Variants in AGMO observed in about 807,000 individuals in gnomAD.
AGMO encodes the protein glyceryl-ether monooxygenase.
A neutral mutation model predicts 60.2 loss-of-function variants in AGMO; 75 were observed. The ratio of observed to expected loss-of-function variants is 1.25; its 90% CI spans 1.03 to 1.51. The LOEUF (loss-of-function observed/expected upper bound fraction) is 1.51, where lower values mean the gene tolerates loss of function less well. Ranked by LOEUF, AGMO falls within the 40% of genes most tolerant of loss-of-function variation. AGMO has a pLI of 0.00. For missense variants in AGMO, 763 were observed against 525.5 expected, an observed-to-expected ratio of 1.45 and a Z score of -4.42; for synonymous variants, 261 against 177.1, an observed-to-expected ratio of 1.47 and a Z score of -3.76.
intron 10 of AGMO, among the ~76,000 whole-genome samples, chr7:15,384,064 T>G (rs1783811053): frequency 6.6e-6 from 1 of 152,130 alleles, no homozygotes; most frequent in East Asian, 1.9e-4. Flanking sequence ...GCCTCCTGAA[T>G]AGCTGGGACT....
chr7:15,440,333 G>C (rs191516349), intron 3 of AGMO, among the ~76,000 whole-genome samples: 6 of 152,274 alleles, frequency 3.9e-5, no homozygotes, highest in Non-Finnish European at 2.9e-5. Context: ...AATCATAGGA[G>C]AGTATTGCTC....
the AGMO span, among the ~76,000 whole-genome samples, chr7:15,144,669 G>A: frequency 0.53 from 79,995 of 151,978 alleles, 21,505 homozygotes; most frequent in South Asian, 0.61. Flanking sequence ...ATGTTACATG[G>A]CTGTCTGCCC....
chr7:15,459,244 T>C (rs1386961505), intron 3 of AGMO, among the ~76,000 whole-genome samples: 3 of 152,150 alleles, frequency 2.0e-5, no homozygotes, highest in African/African-American at 7.2e-5. Flanking sequence ...CAATGAGTTG[T>C]TTTGAGTGAA....
chr7:15,465,228 C>A (rs1286380075), intron 3 of AGMO, among the ~76,000 whole-genome samples: 2 of 151,874 alleles, frequency 1.3e-5, no homozygotes, highest in Non-Finnish European at 2.9e-5. Flanking sequence ...TCGCCAGGAC[C>A]AACCCATGCC....
At chr7:15,362,260 G>A (rs548535811) in intron 12 of AGMO, among the ~76,000 whole-genome samples, 13 of 152,088 alleles carry the variant, frequency 8.5e-5, no homozygotes, top group African/African-American at 3.1e-4. Flanking sequence ...TATAAGAATT[G>A]GTAACTGGTT....
At chr7:15,499,765 T>C (rs1783327834) in intron 3 of AGMO, among the ~76,000 whole-genome samples, 1 of 151,738 alleles carries the variant, frequency 6.6e-6, no homozygotes, top group South Asian at 2.1e-4. Flanking sequence ...GAATAAATTA[T>C]GATATACCCA....
Position 15,465,279 on chromosome 7 carries a change from T to C in AGMO, c.410-34171A>G, listed in dbSNP as rs142200174. On this transcript the variant is annotated intron_variant, in intron 3 of 12. Transcript: ENST00000342526. ...AGCACTGCTCCCCAGAAACACACTT[T>C]CCTTGAATTTTAAATCAGAGTAAAT... Among the ~76,000 whole-genome samples the C allele has an allele frequency of 1.3e-3, 205 of 151,890 alleles. 1 individual carries two copies. The highest frequency in any genetic ancestry group is 4.3e-3 in the East Asian group (22 of 5,116).
chr7:15,214,832 C>T (rs1452054101), intron 12 of AGMO, among the ~76,000 whole-genome samples: 2 of 152,008 alleles, frequency 1.3e-5, no homozygotes, highest in South Asian at 2.1e-4. Flanking sequence ...TGATGTCATT[C>T]TACTTTATCT....
At chr7:15,249,459 T>TGA (rs1782866226) in intron 12 of AGMO, among the ~76,000 whole-genome samples, 1 of 152,220 alleles carries the variant, frequency 6.6e-6, no homozygotes, top group African/African-American at 2.4e-5. Context: ...TTAGAGTGTA[T>TGA]GACACTTTAA....
At chr7:15,269,920 G>C (rs1037432071) in intron 12 of AGMO, among the ~76,000 whole-genome samples, 18 of 152,022 alleles carry the variant, frequency 1.2e-4, no homozygotes, top group African/African-American at 3.1e-4. Flanking sequence ...CTGCCTCCAT[G>C]TTGCTGCAAA....
intron 12 of AGMO, among the ~76,000 whole-genome samples, chr7:15,329,258 A>T (rs1781432425): frequency 1.3e-5 from 2 of 152,222 alleles, no homozygotes; most frequent in African/African-American, 4.8e-5. Flanking sequence ...TAAATACCCA[A>T]GACAATTCTT....
intron 10 of AGMO, among the ~76,000 whole-genome samples, chr7:15,372,253 C>T (rs1003751025): frequency 6.6e-6 from 1 of 151,972 alleles, no homozygotes. Flanking sequence ...GAGTTCAGGA[C>T]CAGTCTGGCC....
In AGMO at chr7:15,342,801, A is replaced by AAAAAAAAAAAAAAC. The variant is rs778682811; in HGVS notation, c.1263+22712_1263+22713insGTTTTTTTTTTTTT. Among the ~76,000 whole-genome samples, 11 of 107,890 alleles carry AAAAAAAAAAAAAAC rather than the reference A, an allele frequency of 1.0e-4. 1 individual carries two copies. The highest frequency in any genetic ancestry group is 3.8e-4 in the African/African-American group (9 of 23,800). The allele number at this position is 107,890 out of a possible 152,430, so 70.8% of individuals were successfully genotyped here. A position where few individuals can be genotyped will look rare whatever the true frequency, so the allele number is the denominator to read the frequency against. On this transcript the variant is annotated intron_variant, in intron 12 of 12. Transcript: ENST00000342526. Reference sequence around the variant, plus strand: ...CTGCAAAAAAAAAAAAAAAAAAAAAAAAAATTGATCTGAATTCTACCTCTA... The same window carrying AAAAAAAAAAAAAAC: ...CTGCAAAAAAAAAAAAAAAAAAAAAAAAAAAAAAAAAAACAAAATTGATCTGAATTCTACCTCTA...
rs1784351405 is a variant in AGMO at position 15,531,489 on chromosome 7, CTATATATAT to C, written c.409+13274_409+13282del. Among the ~76,000 whole-genome samples, 6 of 30,618 alleles carry C rather than the reference CTATATATAT, an allele frequency of 2.0e-4. 1 individual carries two copies. Among genetic ancestry groups the C allele is most frequent in the Middle Eastern group, 0.033 (2 of 60 alleles). The allele number at this position is 30,618 out of a possible 152,430, so 20.1% of individuals were successfully genotyped here. A position where few individuals can be genotyped will look rare whatever the true frequency, so the allele number is the denominator to read the frequency against. On this transcript the variant is annotated intron_variant, in intron 3 of 12. Transcript: ENST00000342526. Reference sequence around the variant, plus strand: ...TCTATATATATTCTCTATATATATTCTATATATATTCTATATATATTCTCTATATATATT... The same window carrying C: ...TCTATATATATTCTCTATATATATTCTCTATATATATTCTCTATATATATT...
intron 4 of AGMO, among the ~76,000 whole-genome samples, chr7:15,424,741 G>C (rs1471666656): frequency 6.6e-6 from 1 of 152,136 alleles, no homozygotes; most frequent in Non-Finnish European, 1.5e-5. Context: ...GGAATGCCTT[G>C]GAGTTCCGAG....
chr7:15,391,027 G>T, intron 6 of AGMO, 122 bp from the exon 7 acceptor site: 1 of 594,888 alleles, frequency 1.7e-6, no homozygotes, highest in Non-Finnish European at 2.9e-6. Context: ...CAATTTCCCT[G>T]GGAATGTCTT....
At chr7:15,242,104 C>A (rs1034145593) in intron 12 of AGMO, among the ~76,000 whole-genome samples, 1 of 152,060 alleles carries the variant, frequency 6.6e-6, no homozygotes, top group Non-Finnish European at 1.5e-5. Flanking sequence ...AATTTTTCCC[C>A]AAAAATCCCT....
chr7:15,354,550 A>C (rs1175972366), intron 12 of AGMO, among the ~76,000 whole-genome samples: 1 of 116,914 alleles, frequency 8.6e-6, no homozygotes, highest in Non-Finnish European at 1.8e-5. Flanking sequence ...AGCTCCCCTC[A>C]TAGGACCTGC....
At chr7:15,252,586 C>G (rs1172636021) in intron 12 of AGMO, among the ~76,000 whole-genome samples, 1 of 152,188 alleles carries the variant, frequency 6.6e-6, no homozygotes, top group Non-Finnish European at 1.5e-5. Context: ...ACACTGAACA[C>G]CACGTGAGCT....
Sources: allele counts gnomAD v4.1 joint callset (sites outside exome capture counted in the v4.1 genomes callset), GRCh38; gene constraint gnomAD v4.1.1; transcripts MANE v1.5; gene names NCBI Gene and HGNC (gene_info 2026-07-23, HGNC 2026-07-21).